The following XIRP2 variants were observed in gnomAD, a reference collection of about 807,000 sequenced individuals.
XIRP2 encodes the protein xin actin-binding repeat-containing protein 2.
Under a neutral mutation model 277.0 loss-of-function variants are expected in XIRP2, and 236 were observed. The observed-to-expected ratio is 0.85, with a 90% CI of 0.77 to 0.95. The LOEUF (loss-of-function observed/expected upper bound fraction) is 0.95, where lower values mean the gene tolerates loss of function less well. XIRP2 is among the 40% of genes least tolerant of loss of function. The pLI is 0.00. For synonymous variants in XIRP2, 1,490 were observed against 1,416.5 expected (o/e 1.05, Z -1.17); for missense variants, 4,640 against 4,157.5 (o/e 1.12, Z -3.19).
intron 3 of XIRP2, among the ~76,000 whole-genome samples, chr2:167,145,875 G>C (rs969104802): frequency 2.0e-5 from 3 of 151,932 alleles, no homozygotes; most frequent in Non-Finnish European, 4.4e-5. Context: ...CAGTAACGGT[G>C]GACCATTAAC....
intron 5 of XIRP2, among the ~76,000 whole-genome samples, chr2:167,238,139 A>G (rs1158669031): frequency 2.0e-5 from 3 of 152,230 alleles, no homozygotes; most frequent in African/African-American, 7.2e-5. Flanking sequence ...GAATTAATGT[A>G]TCAGTGAAAG....
intron 2 of XIRP2, among the ~76,000 whole-genome samples, chr2:167,108,761 C>T (rs968539616): frequency 1.4e-4 from 21 of 151,496 alleles, no homozygotes; most frequent in Non-Finnish European, 2.9e-5. Context: ...AATGTACACT[C>T]TTTAAATGTA....
chr2:167,187,514 A>T, intron 3 of XIRP2: 1 of 985,280 alleles, frequency 1.0e-6, no homozygotes, highest in Non-Finnish European at 1.2e-6. Context: ...TTGGGGTTAA[A>T]CCTAAATATC....
At chr2:166,970,403 A>G (rs1686548864) in intron 2 of XIRP2, among the ~76,000 whole-genome samples, 3 of 151,778 alleles carry the variant, frequency 2.0e-5, no homozygotes, top group Admixed American at 2.0e-4. Flanking sequence ...GATTTCTTAT[A>G]GTTTTGTTTT....
intron 5 of XIRP2, among the ~76,000 whole-genome samples, chr2:167,236,090 T>C (rs114941331): frequency 0.031 from 4,776 of 152,014 alleles, 93 homozygotes; most frequent in Non-Finnish European, 0.046. Flanking sequence ...AAAATGAGAT[T>C]AGTAAAAATG....
At chr2:167,257,285 A>T (rs1695682564) in intron 10 of XIRP2, among the ~76,000 whole-genome samples, 1 of 151,776 alleles carries the variant, frequency 6.6e-6, no homozygotes, top group Non-Finnish European at 1.5e-5. Context: ...AATGTTCCCC[A>T]TGGGTTTTAA....
chr2:167,235,150 T>C (rs918562628), intron 5 of XIRP2, among the ~76,000 whole-genome samples: 3 of 151,824 alleles, frequency 2.0e-5, no homozygotes, highest in East Asian at 3.9e-4. Context: ...GGGCTTCTAG[T>C]GTATTTATTG....
At chr2:167,067,211 G>C (rs781268219) in intron 2 of XIRP2, among the ~76,000 whole-genome samples, 3 of 151,776 alleles carry the variant, frequency 2.0e-5, no homozygotes, top group Non-Finnish European at 4.4e-5. Flanking sequence ...TTGATGGTCT[G>C]TTTATTTATT....
chr2:167,040,155 A>G (rs1688624219), intron 2 of XIRP2, among the ~76,000 whole-genome samples: 1 of 151,860 alleles, frequency 6.6e-6, no homozygotes, highest in African/African-American at 2.4e-5. Context: ...AGCAAAATAG[A>G]CAGGAATATT....
chr2:167,050,284 C>A (rs1348206841), intron 2 of XIRP2, among the ~76,000 whole-genome samples: 1 of 152,020 alleles, frequency 6.6e-6, no homozygotes, highest in Non-Finnish European at 1.5e-5. Flanking sequence ...GAGATTTTAA[C>A]AGTAATTTAA....
At chr2:167,145,172 A>G (rs967520919) in intron 3 of XIRP2, among the ~76,000 whole-genome samples, 1 of 152,154 alleles carries the variant, frequency 6.6e-6, no homozygotes, top group Non-Finnish European at 1.5e-5. Context: ...ATAATATTCT[A>G]TATACTACAT....
chr2:166,926,612 T>C (rs1283617656), intron 2 of XIRP2, among the ~76,000 whole-genome samples: 2 of 152,134 alleles, frequency 1.3e-5, no homozygotes, highest in African/African-American at 4.8e-5. Context: ...TTAACACTAG[T>C]GTCCTATTTG....
chr2:167,097,362 G>T (rs1313615808), intron 2 of XIRP2, among the ~76,000 whole-genome samples: 1 of 140,880 alleles, frequency 7.1e-6, no homozygotes, highest in Non-Finnish European at 1.5e-5. Flanking sequence ...GACTAGGATT[G>T]CAACCCCTGC....
At chr2:166,927,988 A>C (rs1306365991) in intron 2 of XIRP2, among the ~76,000 whole-genome samples, 2 of 152,166 alleles carry the variant, frequency 1.3e-5, no homozygotes, top group Non-Finnish European at 2.9e-5. Context: ...TCCAGCTTCT[A>C]ACATTCAAAA....
intron 5 of XIRP2, among the ~76,000 whole-genome samples, chr2:167,220,951 A>C (rs1407227632): frequency 6.6e-6 from 1 of 152,172 alleles, no homozygotes; most frequent in African/African-American, 2.4e-5. Context: ...AGAATTCTGA[A>C]TATTTGCATG....
intron 2 of XIRP2, among the ~76,000 whole-genome samples, chr2:167,069,688 C>T (rs1162258858): frequency 6.6e-6 from 1 of 152,156 alleles, no homozygotes; most frequent in African/African-American, 2.4e-5. Context: ...TCTCACTAAG[C>T]TTTAACCTAG....
chr2:166,942,131 A>G (rs1047492751), intron 2 of XIRP2, among the ~76,000 whole-genome samples: 2 of 152,114 alleles, frequency 1.3e-5, no homozygotes, highest in African/African-American at 4.8e-5. Flanking sequence ...TGACCACAAA[A>G]CTGTCACAAG....
At chr2:167,167,009 T>A (rs1242183871) in intron 3 of XIRP2, among the ~76,000 whole-genome samples, 3 of 152,176 alleles carry the variant, frequency 2.0e-5, no homozygotes, top group African/African-American at 4.8e-5. Context: ...TCTCATAGTT[T>A]GATGCTCTAT....
At chr2:167,181,998 G>A (rs1291923482) in intron 3 of XIRP2, among the ~76,000 whole-genome samples, 1 of 152,024 alleles carries the variant, frequency 6.6e-6, no homozygotes, top group Admixed American at 6.6e-5. Context: ...ATTTATCACG[G>A]TCGCTCTACT....
Sources: gnomAD v4.1 joint callset for allele counts (sites outside exome capture counted in the v4.1 genomes callset) on GRCh38, gnomAD v4.1.1 for gene constraint, MANE v1.5 for transcripts, NCBI Gene and HGNC (gene_info 2026-07-23, HGNC 2026-07-21) for gene names.